Variants in PRRC2B observed in about 807,000 individuals in gnomAD.
PRRC2B encodes the protein proline rich coiled-coil 2B, also known as protein PRRC2B.
PRRC2B carries 68 observed loss-of-function variants against 242.3 expected under a neutral mutation model. That is an observed-to-expected ratio of 0.28 (90% CI 0.23 to 0.34). The LOEUF (loss-of-function observed/expected upper bound fraction) is 0.34, where lower values mean the gene tolerates loss of function less well. Ranked by LOEUF, PRRC2B falls within the 10% of genes least tolerant of loss-of-function variation. The probability of loss-of-function intolerance (pLI) is 1.00; values close to 1 mark genes in which losing one functional copy is unlikely to be tolerated. For synonymous variants in PRRC2B, 1,228 were observed against 1,173.6 expected (o/e 1.05, Z -0.95); for missense variants, 2,835 against 2,954.8 (o/e 0.96, Z 0.94).
intron 2 of PRRC2B, among the ~76,000 whole-genome samples, chr9:131,431,911 G>A (rs1224057750): frequency 6.6e-6 from 1 of 151,916 alleles, no homozygotes; most frequent in Non-Finnish European, 1.5e-5. Context: ...TTTAAATTTT[G>A]TTTTAAAATT....
intron 19 of PRRC2B, among the ~76,000 whole-genome samples, chr9:131,480,990 C>A (rs1260039615): frequency 1.3e-5 from 2 of 151,554 alleles, no homozygotes; most frequent in African/African-American, 2.4e-5. Context: ...CAGAGTGAGA[C>A]CCTGTCTCTA....
chr9:131,419,519 G>GGGT (rs1189651429), intron 1 of PRRC2B, among the ~76,000 whole-genome samples: 1 of 152,202 alleles, frequency 6.6e-6, no homozygotes, highest in Non-Finnish European at 1.5e-5. Context: ...GGAGTCTGGA[G>GGGT]AGATGAGCAC....
At chr9:131,396,768 G>C (rs1274787333) in intron 1 of PRRC2B, among the ~76,000 whole-genome samples, 1 of 152,030 alleles carries the variant, frequency 6.6e-6, no homozygotes, top group African/African-American at 2.4e-5. Flanking sequence ...GCTTAGTACA[G>C]CTAGGGAGCT....
intron 5 of PRRC2B, among the ~76,000 whole-genome samples, chr9:131,441,552 A>G (rs1838574860): frequency 1.3e-5 from 2 of 152,164 alleles, no homozygotes; most frequent in African/African-American, 4.8e-5. Flanking sequence ...AACAAAGAAA[A>G]TAATTGCAGG....
chr9:131,497,854 C>T lies in PRRC2B; in HGVS notation c.*1980C>T, dbSNP rs1041875297. 1 of 152,366 alleles carries T rather than the reference C, an allele frequency of 6.6e-6. No homozygotes were observed. The highest frequency in any genetic ancestry group is 2.4e-5 in the African/African-American group (1 of 41,454). The allele number at this position is 152,366 out of a possible 1,614,324, so 9.4% of individuals were successfully genotyped here. ...GGCATTCCCTACCTGAGCTTCTTGT[C>T]TGCTTTTCCTTCTCCCACTGCAAGC... On this transcript the variant is annotated 3_prime_UTR_variant, in exon 32 of 32. Transcript: ENST00000683519.
In PRRC2B at chr9:131,498,809, T is replaced by C. The variant is rs943841029; in HGVS notation, c.*2935T>C. 6 of 152,296 alleles carry C rather than the reference T, an allele frequency of 3.9e-5. No homozygotes were observed. In the East Asian group the frequency reaches 1.2e-3, roughly 29 times the overall value. 9.4% of individuals were successfully genotyped at this position (152,296 alleles called of 1,614,324 possible). Reference sequence around the variant, plus strand: ...CCTTGGTCACTGGGGATGCGGCTCGTTGCTCAGCCACCAGTGGCCTTGCGG... The same window carrying C: ...CCTTGGTCACTGGGGATGCGGCTCGCTGCTCAGCCACCAGTGGCCTTGCGG... On this transcript the variant is annotated 3_prime_UTR_variant, in exon 32 of 32. Coordinates refer to ENST00000683519, the MANE Select transcript of PRRC2B (RefSeq NM_013318.4).
chr9:131,447,964 A>G, intron 9 of PRRC2B, 160 bp downstream of exon 9: 1 of 606,958 alleles, frequency 1.6e-6, no homozygotes. Flanking sequence ...TTCCTCATTT[A>G]CTCCCTGACT....
rs1000578693 is a variant in PRRC2B at position 131,475,365 on chromosome 9, G to C, written c.3236G>C (p.Arg1079Pro). ...RGFREFTFRG[R>P]PAGGNGSGLC... is the part of the protein sequence containing the mutation. ...TTCAGAGAGTTCACTTTTCGTGGTC[G>C]GCCTGCTGGCGGAAATGGGAGCGGC... The change falls in exon 16 of 32, where the codon CGG becomes CCG. Residue 1079 changes from arginine to proline, a missense_variant. This residue lies in a region of PRRC2B where 1,536 missense variants were observed against 1,483.1 expected (regional missense o/e 1.04). Transcript: ENST00000683519. The C allele has an allele frequency of 1.3e-6, 2 of 1,585,426 alleles. No individual in the cohort carries two copies. The highest frequency in any genetic ancestry group is 1.1e-5 in the South Asian group (1 of 87,324).
chr9:131,441,380 A>G (rs1319010255), intron 5 of PRRC2B, among the ~76,000 whole-genome samples: 1 of 152,068 alleles, frequency 6.6e-6, no homozygotes, highest in African/African-American at 2.4e-5. Context: ...ACTGTATCAC[A>G]ATAAAGCTTG....
chr9:131,486,555 T>C (rs1186329158), intron 26 of PRRC2B: 1 of 984,688 alleles, frequency 1.0e-6, no homozygotes, highest in African/African-American at 1.7e-5. Flanking sequence ...GTCTTAGAAA[T>C]GAGCAGGCGT....
intron 28 of PRRC2B, among the ~76,000 whole-genome samples, 194 bp downstream of exon 28, chr9:131,488,290 G>A (rs1944084883): frequency 6.9e-6 from 1 of 145,856 alleles, no homozygotes; most frequent in Admixed American, 6.9e-5. Context: ...TTTGGACAGA[G>A]TCTCGCTCTG....
chr9:131,477,664 C>A, intron 16 of PRRC2B, 80 bp from the exon 17 acceptor site: 2 of 848,220 alleles, frequency 2.4e-6, no homozygotes, highest in Non-Finnish European at 1.9e-6. Flanking sequence ...GGGTGCCGGG[C>A]TTGTGTGCAG....
chr9:131,375,575 CG>C (rs1406753711), intron 1 of PRRC2B, among the ~76,000 whole-genome samples: 10 of 152,048 alleles, frequency 6.6e-5, no homozygotes, highest in African/African-American at 2.4e-4. Flanking sequence ...GGTAGGAGCT[CG>C]CCATGTTATC....
intron 10 of PRRC2B, among the ~76,000 whole-genome samples, chr9:131,456,159 G>A (rs892269517): frequency 3.5e-5 from 5 of 142,712 alleles, no homozygotes; most frequent in African/African-American, 5.1e-5. Flanking sequence ...AGGTGAAGAA[G>A]CAGAATGCAT....
At chr9:131,491,335 A>G in intron 28 of PRRC2B, 90 bp from the exon 29 acceptor site, 21 of 1,274,996 alleles carry the variant, frequency 1.6e-5, no homozygotes, top group Non-Finnish European at 2.3e-5. Context: ...AAGTGTATGA[A>G]TCTGAAGTGC....
intron 13 of PRRC2B, among the ~76,000 whole-genome samples, chr9:131,469,890 T>A (rs1943492914): frequency 6.6e-6 from 1 of 152,172 alleles, no homozygotes; most frequent in African/African-American, 2.4e-5. Context: ...AGGGAGTCTC[T>A]TAGGGTTCAG....
Position 131,487,062 on chromosome 9 carries a change from C to T in PRRC2B, c.5857-105C>T. On this transcript the variant is annotated intron_variant, in intron 26 of 31. Transcript: ENST00000683519. The surrounding 1 kb of genome is among the most constrained non-coding windows in gnomAD (Gnocchi z 5.3). ...GACATGCTGGCATTTGAATTTTGGG[C>T]AGTGTTCCAGCAGCCATGTGGAGAG... 1 of 954,902 alleles carries T rather than the reference C, an allele frequency of 1.0e-6. No individual in the cohort carries two copies. The highest frequency in any genetic ancestry group is 2.0e-5 in the Admixed American group (1 of 50,670). 59.2% of individuals were successfully genotyped at this position (954,902 alleles called of 1,614,324 possible).
At chr9:131,439,887 CG>C (rs1838503134) in intron 5 of PRRC2B, among the ~76,000 whole-genome samples, 2 of 133,006 alleles carry the variant, frequency 1.5e-5, no homozygotes, top group Admixed American at 8.6e-5. Flanking sequence ...GTGTGTACCA[CG>C]ACATCTGGCT....
chr9:131,481,854 G>C, intron 20 of PRRC2B, 46 bp downstream of exon 20: 4 of 1,497,600 alleles, frequency 2.7e-6, no homozygotes, highest in Non-Finnish European at 3.6e-6. Context: ...ATGAGTGTGT[G>C]AGTGTGTGCT....
Sources: allele counts gnomAD v4.1 joint callset (sites outside exome capture counted in the v4.1 genomes callset), GRCh38; gene constraint gnomAD v4.1.1; regional missense constraint gnomAD v4.1.1; non-coding constraint Gnocchi (gnomAD v3.1); transcripts MANE v1.5; gene names NCBI Gene and HGNC (gene_info 2026-07-23, HGNC 2026-07-21).